The following UHMK1 variants were observed in gnomAD, a reference collection of about 807,000 sequenced individuals.
The protein encoded by UHMK1 is serine/threonine-protein kinase Kist.
In UHMK1, 18 loss-of-function variants were observed where a neutral mutation model predicts 44.0. That is an observed-to-expected ratio of 0.41 (90% CI 0.28 to 0.61). The LOEUF (loss-of-function observed/expected upper bound fraction) is 0.61. UHMK1 is among the 20% of genes least tolerant of loss of function. UHMK1 has a pLI of 0.31. For synonymous variants in UHMK1, 231 were observed against 198.5 expected (o/e 1.16, Z -1.38); for missense variants, 463 against 522.5 (o/e 0.89, Z 1.11).
At position 162,518,990 on chromosome 1, in the gene UHMK1, A is replaced by G. The variant is rs1469852399; in HGVS notation, c.1113+800A>G. On this transcript the variant is annotated intron_variant, in intron 7 of 7. Transcript: ENST00000489294. ...GGCAACAGTGTGAGACTCCATCTCAAAAAAAAAAAAAACTACTTTTGAGCC... is the reference window on the plus strand; with the variant it reads ...GGCAACAGTGTGAGACTCCATCTCAGAAAAAAAAAAAACTACTTTTGAGCC... 1.1e-4 allele frequency among the ~76,000 whole-genome samples: 11 copies of G among 95,968 alleles called. No individual in the cohort carries two copies. In the East Asian group the frequency reaches 3.9e-3, roughly 34 times the overall value. 63.0% of individuals were successfully genotyped at this position (95,968 alleles called of 152,430 possible).
At chr1:162,503,888 A>T (rs755198574) in intron 4 of UHMK1, 40 bp downstream of exon 4, 2 of 1,497,308 alleles carry the variant, frequency 1.3e-6, no homozygotes, top group Non-Finnish European at 1.9e-6. Flanking sequence ...GCATTCATGT[A>T]CTATGTGAAA....
rs373771491 is a variant in UHMK1, at chr1:162,503,753, G to A, written c.754-1G>A. The A allele has an allele frequency of 5.0e-6, 8 of 1,612,960 alleles. No homozygotes were observed. Among genetic ancestry groups the A allele is most frequent in the African/African-American group, 1.3e-5 (1 of 74,788 alleles). ...AGGAAAACTTTTCTCCGTTTTTTAA[G>A]GCAAACAGTTCTGCTATTATTGATC... On this transcript the variant is annotated splice_acceptor_variant, in intron 3 of 7. Coordinates refer to ENST00000489294, the MANE Select transcript of UHMK1 (RefSeq NM_175866.5). LOFTEE classifies it high-confidence loss of function.
chr1:162,499,527 C>T (rs909998622), intron 1 of UHMK1, among the ~76,000 whole-genome samples: 1 of 152,110 alleles, frequency 6.6e-6, no homozygotes, highest in South Asian at 2.1e-4. Context: ...TTGTGACATT[C>T]CTTTTAAAAG....
Position 162,527,224 on chromosome 1 carries a change from T to C in UHMK1, c.*4674T>C, listed in dbSNP as rs552654325. On this transcript the variant is annotated 3_prime_UTR_variant, in exon 8 of 8. Coordinates refer to ENST00000489294, the MANE Select transcript of UHMK1 (RefSeq NM_175866.5). ...ACTATAGGATATGTCATGTTCGTTA[T>C]TGTAGCCACCTCCCTCAGATGTTTT... 3.4e-4 allele frequency: 52 copies of C among 152,218 alleles called. No homozygotes were observed. Among genetic ancestry groups the C allele is most frequent in the African/African-American group, 1.2e-3 (48 of 41,580 alleles). 9.4% of individuals were successfully genotyped at this position (152,218 alleles called of 1,614,324 possible). A position where few individuals can be genotyped will look rare whatever the true frequency, so the allele number is the denominator to read the frequency against.
Position 162,510,689 on chromosome 1 carries a change from A to G in UHMK1, c.849-1811A>G, listed in dbSNP as rs190518985. On this transcript the variant is annotated intron_variant, in intron 4 of 7. Transcript: ENST00000489294. The stretch of plus-strand genomic sequence containing the variant: ...TTTTTAATTTTTTTTTTAAGCTAAC[A>G]TGCAAGAAATGAACACTTATCTGTT... 2.5e-3 allele frequency among the ~76,000 whole-genome samples: 379 copies of G among 151,206 alleles called. 2 individuals are homozygous for G. The highest frequency in any genetic ancestry group is 8.9e-3 in the African/African-American group (365 of 41,126).
chr1:162,507,409 C>T (rs954699604), intron 4 of UHMK1, among the ~76,000 whole-genome samples: 10 of 151,444 alleles, frequency 6.6e-5, no homozygotes, highest in African/African-American at 1.7e-4. Context: ...TGAGCCACAA[C>T]GCCCAGCTGC....
At chr1:162,517,466 T>G (rs1651871782) in intron 6 of UHMK1, among the ~76,000 whole-genome samples, 1 of 152,136 alleles carries the variant, frequency 6.6e-6, no homozygotes, top group Admixed American at 6.5e-5. Context: ...TTCATAACCA[T>G]TAAAACAAAT....
intron 1 of UHMK1, 46 bp downstream of exon 1, chr1:162,498,314 G>C: frequency 2.6e-6 from 4 of 1,533,536 alleles, no homozygotes; most frequent in Non-Finnish European, 3.5e-6. Context: ...GTCACAGTCC[G>C]AGCACACTCT....
In UHMK1 at chr1:162,498,201, T is replaced by A. The variant is rs369869606; in HGVS notation, c.201T>A (p.Ser67=). 5 of 1,612,600 alleles carry A rather than the reference T, an allele frequency of 3.1e-6. No homozygotes were observed. The highest frequency in any genetic ancestry group is 4.2e-6 in the Non-Finnish European group (5 of 1,179,072). ...LPPGTTGAAA[S]AAEYGFRKER... is the part of the protein sequence containing the mutation. ...CAGGAACCACCGGGGCTGCGGCCTC[T>A]GCCGCCGAGTATGGTTTCCGCAAAG... The change falls in exon 1 of 8, where the codon TCT becomes TCA. Residue 67 remains serine, a synonymous_variant. Transcript: ENST00000489294.
intron 4 of UHMK1, among the ~76,000 whole-genome samples, chr1:162,510,856 T>C (rs1651639827): frequency 6.6e-6 from 1 of 152,170 alleles, no homozygotes; most frequent in Non-Finnish European, 1.5e-5. Flanking sequence ...TAGTTCTTTT[T>C]TAAAAATTTT....
At chr1:162,507,010 A>AATT (rs1460888837) in intron 4 of UHMK1, among the ~76,000 whole-genome samples, 2 of 152,174 alleles carry the variant, frequency 1.3e-5, no homozygotes, top group Non-Finnish European at 2.9e-5. Context: ...ATGTCTCTTA[A>AATT]ATTACAGTTT....
intron 6 of UHMK1, among the ~76,000 whole-genome samples, chr1:162,517,439 T>G (rs1420967771): frequency 6.6e-6 from 1 of 152,132 alleles, no homozygotes; most frequent in Non-Finnish European, 1.5e-5. Flanking sequence ...ATATTGAATA[T>G]TCATAGAATA....
At chr1:162,497,776 CT>C, upstream of UHMK1, 1 of 1,322,216 alleles carries the variant, frequency 7.6e-7, no homozygotes, top group South Asian at 2.1e-5. Flanking sequence ...GCCCCCCCTC[CT>C]TCGGCCTGTA....
intron 4 of UHMK1, among the ~76,000 whole-genome samples, chr1:162,510,051 T>C (rs1410787637): frequency 6.6e-6 from 1 of 152,208 alleles, no homozygotes; most frequent in Non-Finnish European, 1.5e-5. Context: ...TATATAGAGA[T>C]ACATTAATTT....
At chr1:162,516,755 T>C (rs796565493) in intron 6 of UHMK1, among the ~76,000 whole-genome samples, 1 of 152,226 alleles carries the variant, frequency 6.6e-6, no homozygotes, top group Non-Finnish European at 1.5e-5. Context: ...TTTACACATA[T>C]GCTTTTACTC....
chr1:162,506,223 G>GCCCC (rs3035616), intron 4 of UHMK1, among the ~76,000 whole-genome samples: 1 of 121,552 alleles, frequency 8.2e-6, no homozygotes, highest in Non-Finnish European at 1.7e-5. Flanking sequence ...TTAAATAATA[G>GCCCC]CCCCCCCCCC....
In UHMK1 at chr1:162,522,919, A is replaced by G. The variant is rs1652111974; in HGVS notation, c.*369A>G. On this transcript the variant is annotated 3_prime_UTR_variant, in exon 8 of 8. Transcript: ENST00000489294. ...ACTAACAAATTTGTTAGGTTTGGTG[A>G]CATCATTTACAGATTATTTCTTTAT... The G allele has an allele frequency of 6.0e-6, 1 of 167,510 alleles. No homozygotes were observed. The highest frequency in any genetic ancestry group is 2.4e-5 in the African/African-American group (1 of 41,770). 10.4% of individuals were successfully genotyped at this position (167,510 alleles called of 1,614,324 possible). A position where few individuals can be genotyped will look rare whatever the true frequency, so the allele number is the denominator to read the frequency against.
chr1:162,498,135 C>T lies in UHMK1; in HGVS notation c.135C>T (p.Asn45=). The change falls in exon 1 of 8, where the codon AAC becomes AAT. Residue 45 remains asparagine, a synonymous_variant. Coordinates refer to ENST00000489294, the MANE Select transcript of UHMK1 (RefSeq NM_175866.5). ...TGTATCGGGTTCGCTGCTGCGGCAACCCTGGCTCGCCCCCCGGCGCCCTCA... is the reference window on the plus strand; with the variant it reads ...TGTATCGGGTTCGCTGCTGCGGCAATCCTGGCTCGCCCCCCGGCGCCCTCA... ...ASVYRVRCCG[N]PGSPPGALKQ... is the part of the protein sequence containing the mutation. 6.2e-7 allele frequency: 1 copy of T among 1,612,746 alleles called. No individual in the cohort carries two copies. The highest frequency in any genetic ancestry group is 8.5e-7 in the Non-Finnish European group (1 of 1,179,688).
chr1:162,502,074 G>A (rs1243782051), intron 3 of UHMK1, among the ~76,000 whole-genome samples: 1 of 152,104 alleles, frequency 6.6e-6, no homozygotes. Flanking sequence ...TACCCAGGAG[G>A]CTGAGGCAGG....
Sources: allele counts gnomAD v4.1 joint callset (sites outside exome capture counted in the v4.1 genomes callset), GRCh38; gene constraint gnomAD v4.1.1; transcripts MANE v1.5; gene names NCBI Gene and HGNC (gene_info 2026-07-23, HGNC 2026-07-21).